The following BTBD9 variants were observed in gnomAD, a reference collection of about 807,000 sequenced individuals.
BTBD9 encodes BTB domain containing 9, also known as BTB/POZ domain-containing protein 9.
Under a neutral mutation model 64.3 loss-of-function variants are expected in BTBD9, and 49 were observed. The observed-to-expected ratio is 0.76, with a 90% CI of 0.61 to 0.97. BTBD9 has a LOEUF of 0.97. Among genes scored for constraint, BTBD9 ranks in the 50% least tolerant of loss-of-function variants. BTBD9 has a pLI of 0.00. For synonymous variants in BTBD9, 260 were observed against 274.7 expected (o/e 0.95, Z 0.53); for missense variants, 598 against 762.1 (o/e 0.78, Z 2.53).
chr6:38,528,537 G>A (rs765639398), intron 6 of BTBD9, among the ~76,000 whole-genome samples: 1 of 152,198 alleles, frequency 6.6e-6, no homozygotes, highest in Non-Finnish European at 1.5e-5. Flanking sequence ...TGTTTGAGAA[G>A]AGGAGAGGAG....
chr6:38,507,700 C>A (rs1337970979), intron 6 of BTBD9, among the ~76,000 whole-genome samples: 1 of 152,156 alleles, frequency 6.6e-6, no homozygotes, highest in African/African-American at 2.4e-5. Context: ...AAGCCCCCCT[C>A]TTCTCTTTTC....
At chr6:38,505,431 C>T (rs538458327) in intron 6 of BTBD9, among the ~76,000 whole-genome samples, 12 of 151,798 alleles carry the variant, frequency 7.9e-5, no homozygotes, top group South Asian at 2.1e-4. Flanking sequence ...TTGAGATTAG[C>T]GAGGCCAACA....
In BTBD9 at chr6:38,225,629, T is replaced by C. The variant is rs149145917; in HGVS notation, c.1562+30780A>G. Among the ~76,000 whole-genome samples the C allele has an allele frequency of 1.7e-3, 266 of 152,308 alleles. 2 individuals carry two copies. Among genetic ancestry groups the C allele is most frequent in the African/African-American group, 6.0e-3 (250 of 41,570 alleles). On this transcript the variant is annotated intron_variant, in intron 9 of 10. Transcript: ENST00000481247. ...ATGCCTAATGGAAAAACTTAAGTTA[T>C]AAATAACTTAAAATTATAAATTGTG...
intron 7 of BTBD9, among the ~76,000 whole-genome samples, chr6:38,299,299 T>C (rs568830576): frequency 5.8e-4 from 88 of 152,002 alleles, no homozygotes; most frequent in African/African-American, 2.0e-3. Flanking sequence ...CTATGGTGAA[T>C]AGTGCTGCAA....
chr6:38,355,093 C>G (rs1363672927), intron 6 of BTBD9, among the ~76,000 whole-genome samples: 1 of 152,180 alleles, frequency 6.6e-6, no homozygotes, highest in Non-Finnish European at 1.5e-5. Context: ...TTACTAATTT[C>G]AGCACTACTG....
chr6:38,456,008 G>C (rs1209479771), intron 6 of BTBD9, among the ~76,000 whole-genome samples: 1 of 149,560 alleles, frequency 6.7e-6, no homozygotes, highest in Non-Finnish European at 1.5e-5. Flanking sequence ...TTTTGAGACA[G>C]AGTCTTGCTC....
intron 6 of BTBD9, chr6:38,402,696 C>A: frequency 1.6e-6 from 1 of 637,998 alleles, no homozygotes; most frequent in Non-Finnish European, 2.8e-6. Context: ...ACATAAGAGT[C>A]AAAACTATAA....
intron 6 of BTBD9, among the ~76,000 whole-genome samples, chr6:38,523,886 C>T (rs1773375354): frequency 6.6e-6 from 1 of 152,212 alleles, no homozygotes; most frequent in Non-Finnish European, 1.5e-5. Context: ...TCACGGTTCA[C>T]ACCCAGGCAG....
intron 6 of BTBD9, among the ~76,000 whole-genome samples, chr6:38,511,773 C>A (rs1772786563): frequency 6.6e-6 from 1 of 152,106 alleles, no homozygotes; most frequent in African/African-American, 2.4e-5. Context: ...GGAAAAGTTT[C>A]ACATGGAAAG....
intron 8 of BTBD9, among the ~76,000 whole-genome samples, chr6:38,264,176 G>A (rs1462894508): frequency 6.6e-6 from 1 of 152,176 alleles, no homozygotes; most frequent in Non-Finnish European, 1.5e-5. Context: ...TGCAAAGATG[G>A]AACAATCAGT....
intron 10 of BTBD9, among the ~76,000 whole-genome samples, chr6:38,186,161 G>A (rs951261671): frequency 2.0e-5 from 3 of 152,190 alleles, no homozygotes; most frequent in African/African-American, 7.2e-5. Flanking sequence ...AGCACTGGAG[G>A]AGAACTGCCC....
At chr6:38,378,371 G>A (rs1218218136) in intron 6 of BTBD9, among the ~76,000 whole-genome samples, 1 of 150,846 alleles carries the variant, frequency 6.6e-6, no homozygotes, top group East Asian at 2.0e-4. Flanking sequence ...AGCCTCCTTA[G>A]TAGCTGGGAT....
chr6:38,435,359 G>A (rs1257692554), intron 6 of BTBD9, among the ~76,000 whole-genome samples: 3 of 151,448 alleles, frequency 2.0e-5, no homozygotes, highest in East Asian at 1.9e-4. Flanking sequence ...AAATTAGCCC[G>A]GTGTGGTGGC....
Position 38,594,133 on chromosome 6 carries a change from T to C in BTBD9, c.380A>G (p.Asp127Gly), listed in dbSNP as rs1429307016. Residue 127 changes from aspartate to glycine, a missense_variant, in exon 3 of 11, where the codon GAT becomes GGT. Physicochemically the swap from Asp to Gly is moderately conservative, Grantham distance 94. Coordinates refer to ENST00000481247, the MANE Select transcript of BTBD9 (RefSeq NM_001099272.2). ...GGTGCAGAGATACTCAGAGGTAGAA[T>C]CCTCTAGCTCTGGAAATCCATATTT... ...AHKYGFPELE[D>G]STSEYLCTIL... 32 of 1,613,980 alleles carry C rather than the reference T, an allele frequency of 2.0e-5. No homozygotes were observed. The highest frequency in any genetic ancestry group is 2.7e-5 in the Non-Finnish European group (32 of 1,179,986).
chr6:38,260,350 G>A (rs4714136), intron 8 of BTBD9, among the ~76,000 whole-genome samples: 107,149 of 152,022 alleles, frequency 0.7, 38,495 homozygotes, highest in African/African-American at 0.84. Context: ...TCCCCAGTGG[G>A]ATTTTTAATT....
intron 1 of BTBD9, among the ~76,000 whole-genome samples, chr6:38,635,063 C>T (rs569140418): frequency 8.9e-4 from 136 of 152,178 alleles, no homozygotes; most frequent in Non-Finnish European, 1.7e-3. Context: ...AGCCCCAGTC[C>T]ACACCTACTT....
intron 7 of BTBD9, among the ~76,000 whole-genome samples, chr6:38,299,076 A>T (rs1200632721): frequency 6.6e-6 from 1 of 152,026 alleles, no homozygotes; most frequent in Non-Finnish European, 1.5e-5. Context: ...CTCATTGTTC[A>T]GTTCCCACCT....
intron 7 of BTBD9, among the ~76,000 whole-genome samples, chr6:38,323,609 T>C (rs1401222933): frequency 1.3e-5 from 2 of 152,232 alleles, no homozygotes; most frequent in African/African-American, 4.8e-5. Context: ...CTACTGAACT[T>C]CTGTTTACAG....
intron 6 of BTBD9, among the ~76,000 whole-genome samples, chr6:38,386,972 T>A (rs1308323449): frequency 1.3e-5 from 2 of 152,118 alleles, no homozygotes; most frequent in Non-Finnish European, 2.9e-5. Flanking sequence ...AAAAGTCCCC[T>A]CTGTGTTGGT....
Sources: allele counts gnomAD v4.1 joint callset (sites outside exome capture counted in the v4.1 genomes callset), GRCh38; gene constraint gnomAD v4.1.1; transcripts MANE v1.5; gene names NCBI Gene and HGNC (gene_info 2026-07-23, HGNC 2026-07-21).